The following MYH14 variants were observed in gnomAD, a reference collection of about 807,000 sequenced individuals.
MYH14 encodes myosin heavy chain 14.
Under a neutral mutation model 255.5 loss-of-function variants are expected in MYH14, and 123 were observed. The ratio of observed to expected loss-of-function variants is 0.48; its 90% confidence interval spans 0.42 to 0.56. The LOEUF is 0.56. MYH14 is among the 20% of genes least tolerant of loss of function. The pLI is 0.00. For missense variants in MYH14, 2,423 were observed against 2,802.3 expected, an observed-to-expected ratio of 0.86 and a Z score of 3.06; for synonymous variants, 1,095 against 1,161.2, an observed-to-expected ratio of 0.94 and a Z score of 1.16.
intron 2 of MYH14, among the ~76,000 whole-genome samples, chr19:50,210,996 C>G (rs1177273821): frequency 6.6e-6 from 1 of 152,186 alleles, no homozygotes; most frequent in African/African-American, 2.4e-5. Context: ...GGTAGATAAA[C>G]TGTATTATTT....
At chr19:50,287,351 TG>T (rs1283448047) in intron 34 of MYH14, among the ~76,000 whole-genome samples, 4 of 152,378 alleles carry the variant, frequency 2.6e-5, no homozygotes, top group African/African-American at 7.2e-5. Context: ...AAAGCACACA[TG>T]CTCACATTTG....
At chr19:50,246,594 T>A (rs677639) in intron 11 of MYH14, among the ~76,000 whole-genome samples, 2 of 151,908 alleles carry the variant, frequency 1.3e-5, no homozygotes, top group Non-Finnish European at 2.9e-5. Context: ...TGCACTCCAG[T>A]CTGGGTGATA....
chr19:50,272,380 G>A (rs967809087), intron 26 of MYH14, among the ~76,000 whole-genome samples, 180 bp from the exon 27 acceptor site: 31 of 152,106 alleles, frequency 2.0e-4, no homozygotes, highest in African/African-American at 7.0e-4. Flanking sequence ...AGGACAGTGC[G>A]TCTAGGACAA....
intron 39 of MYH14, among the ~76,000 whole-genome samples, chr19:50,295,026 T>A (rs1644430): frequency 0.038 from 5,332 of 141,846 alleles, 275 homozygotes; most frequent in African/African-American, 0.12. Flanking sequence ...TTTTTTTTTT[T>A]AAAAACAGGC....
Position 50,301,744 on chromosome 19 carries a change from G to A in MYH14, c.5553G>A (p.Gln1851=), listed in dbSNP as rs748686805. ...GCGGGCGGCAGCAGCTGGAACGGCAGATCCAGGAGCTACGGGGACGCCTGG... is the reference window on the plus strand; with the variant it reads ...GCGGGCGGCAGCAGCTGGAACGGCAAATCCAGGAGCTACGGGGACGCCTGG... ...AESGRQQLER[Q]IQELRGRLGE... is the part of the protein sequence containing the mutation. Residue 1851 remains glutamine (Q), a synonymous_variant, in exon 40 of 43, where the codon CAG becomes CAA. Transcript: ENST00000642316. 9 of 1,613,838 alleles carry A rather than the reference G, an allele frequency of 5.6e-6. No individual in the cohort carries two copies. The highest frequency in any genetic ancestry group is 7.6e-6 in the Non-Finnish European group (9 of 1,179,862).
chr19:50,217,684 G>A lies in MYH14; in HGVS notation c.475G>A (p.Val159Met), dbSNP rs778955742. Residue 159 changes from valine to methionine, a missense_variant, in exon 3 of 43, where the codon GTG (valine) becomes ATG (methionine). This residue lies in a region of MYH14 where 238 missense variants were observed against 245.8 expected (regional missense o/e 0.97). Coordinates refer to ENST00000642316, the MANE Select transcript of MYH14 (RefSeq NM_001145809.2). ...GCTTCCCATCTACACAGAAGCCATT[G>A]TGGAGATGTACCGGGGCAAGAAGCG... ...KQLPIYTEAI[V>M]EMYRGKKRHE... 1 of 1,614,028 alleles carries A rather than the reference G, an allele frequency of 6.2e-7. No individual in the cohort carries two copies. Among genetic ancestry groups the A allele is most frequent in the East Asian group, 2.2e-5 (1 of 44,878 alleles).
intron 41 of MYH14, 80 bp downstream of exon 41, chr19:50,307,237 A>G (rs1419449328): frequency 3.6e-6 from 3 of 824,194 alleles, no homozygotes; most frequent in South Asian, 1.5e-5. Context: ...TCCAGAGGCA[A>G]TGAGCTCCCA....
chr19:50,300,314 C>T (rs58754699), intron 39 of MYH14, among the ~76,000 whole-genome samples: 15,897 of 152,168 alleles, frequency 0.1, 940 homozygotes, highest in East Asian at 0.2. Context: ...TTCTCATCTC[C>T]AGCTGCTGGA....
At chr19:50,298,377 A>AAC (rs1453235091) in intron 39 of MYH14, among the ~76,000 whole-genome samples, 2 of 127,072 alleles carry the variant, frequency 1.6e-5, no homozygotes, top group East Asian at 5.3e-4. Context: ...GACAAAACCC[A>AAC]ACACACACAC....
chr19:50,225,543 C>A, intron 6 of MYH14, 42 bp from the exon 7 acceptor site: 1 of 1,547,502 alleles, frequency 6.5e-7, no homozygotes, highest in East Asian at 2.3e-5. Flanking sequence ...GCCTCCTGCC[C>A]CATTCTCACT....
intron 16 of MYH14, 37 bp from the exon 17 acceptor site, chr19:50,255,183 C>T (rs1202467477): frequency 2.5e-5 from 35 of 1,375,904 alleles, no homozygotes; most frequent in Non-Finnish European, 3.1e-5. Flanking sequence ...CTGCCATCTC[C>T]CCTCCACCCA....
chr19:50,207,586 A>G (rs994585684), intron 1 of MYH14, among the ~76,000 whole-genome samples: 1 of 152,116 alleles, frequency 6.6e-6, no homozygotes, highest in Admixed American at 6.5e-5. Flanking sequence ...GGAGTCTCGT[A>G]CTTGAAAGTC....
intron 5 of MYH14, 69 bp downstream of exon 5, chr19:50,223,418 C>T (rs756437933): frequency 4.2e-5 from 46 of 1,093,754 alleles, no homozygotes; most frequent in Non-Finnish European, 5.4e-5. Context: ...TTGGGCTTTC[C>T]CCACAATTGT....
In MYH14 at chr19:50,289,605, G is replaced by T. The variant is rs373651452; in HGVS notation, c.4922G>T (p.Arg1641Leu). The change falls in exon 35 of 43, where the codon CGT becomes CTT. Residue 1641 changes from arginine (R) to leucine (L), a missense_variant. Physicochemically the swap from Arg to Leu is moderately radical, Grantham distance 102 (BLOSUM62 -2). Coordinates refer to ENST00000642316, the MANE Select transcript of MYH14 (RefSeq NM_001145809.2). ...KTQHERDLQG[R>L]DEAGEERRRQ... is the part of the protein sequence containing the mutation. ...CAGCATGAGCGTGACCTGCAGGGCC[G>T]TGATGAGGCTGGTGAAGAGAGGCGG... The T allele has an allele frequency of 6.2e-7, 1 of 1,612,470 alleles. No individual in the cohort carries two copies. The highest frequency in any genetic ancestry group is 8.5e-7 in the Non-Finnish European group (1 of 1,179,466).
At position 50,276,652 on chromosome 19, in the gene MYH14, C is replaced by T; in HGVS notation, c.3681-105C>T. The T allele has an allele frequency of 6.8e-7, 1 of 1,461,666 alleles. No homozygotes were observed. Among genetic ancestry groups the T allele is most frequent in the South Asian group, 1.2e-5 (1 of 86,218 alleles). The allele number at this position is 1,461,666 out of a possible 1,614,324, so 90.5% of individuals were successfully genotyped here. A position where few individuals can be genotyped will look rare whatever the true frequency, so the allele number is the denominator to read the frequency against. On this transcript the variant is annotated intron_variant, in intron 28 of 42. Transcript: ENST00000642316. This position sits in a 1 kb window ranked among gnomAD's most constrained non-coding sequence, Gnocchi z 4.3. Reference sequence around the variant, plus strand: ...CTCCTGAGGAGCATAACATGAGGCCCTCATATTTTAAGGAAACATGAAAAG... The same window carrying T: ...CTCCTGAGGAGCATAACATGAGGCCTTCATATTTTAAGGAAACATGAAAAG...
At chr19:50,255,184 C>T (rs2034546034) in intron 16 of MYH14, 36 bp from the exon 17 acceptor site, 3 of 1,391,628 alleles carry the variant, frequency 2.2e-6, no homozygotes, top group South Asian at 2.5e-5. Flanking sequence ...TGCCATCTCC[C>T]CTCCACCCAC....
rs771931453 is a variant in MYH14, at chr19:50,210,782, C to T, written c.405+12C>T. The T allele has an allele frequency of 2.2e-5, 35 of 1,555,840 alleles. No individual in the cohort carries two copies. In the Admixed American group the frequency reaches 6.2e-4, roughly 28 times the overall value. ...CCGGCCTCATCTACGTGAGTGGGCT[C>T]CTGCTGGGGGGCGCGTGCGGCGGAG... is the stretch of plus-strand genomic sequence containing the variant. On this transcript the variant is annotated intron_variant, in intron 2 of 42. Transcript: ENST00000642316.
intron 10 of MYH14, 69 bp downstream of exon 10, chr19:50,232,139 T>C (rs2033429648): frequency 1.3e-6 from 2 of 1,579,934 alleles, no homozygotes; most frequent in East Asian, 4.5e-5. Flanking sequence ...TGGCCATTCA[T>C]GCCCCGATCT....
chr19:50,210,865 T>A, intron 2 of MYH14, 95 bp downstream of exon 2: 1 of 1,503,712 alleles, frequency 6.7e-7, no homozygotes, highest in Non-Finnish European at 8.8e-7. Context: ...AACTTGAGGC[T>A]GTTTATCATC....
Sources: gnomAD v4.1 joint callset for allele counts (sites outside exome capture counted in the v4.1 genomes callset) on GRCh38, gnomAD v4.1.1 for gene constraint, gnomAD v4.1.1 regional missense constraint, Gnocchi (gnomAD v3.1) non-coding constraint, MANE v1.5 for transcripts, NCBI Gene and HGNC (gene_info 2026-07-23, HGNC 2026-07-21) for gene names.